BRINP3: variants seen among roughly 807,000 people sequenced by gnomAD.
BRINP3 encodes the protein BMP/retinoic acid-inducible neural-specific protein 3.
A neutral mutation model predicts 71.0 loss-of-function variants in BRINP3; 19 were observed. The ratio of observed to expected loss-of-function variants is 0.27; its 90% CI spans 0.19 to 0.39. BRINP3 has a LOEUF of 0.39. Among genes scored for constraint, BRINP3 ranks in the 10% least tolerant of loss-of-function variants. The pLI, the probability that BRINP3 is intolerant of heterozygous loss-of-function variation, is 1.00. For synonymous variants in BRINP3, 380 were observed against 337.7 expected (o/e 1.13, Z -1.37); for missense variants, 959 against 940.8 (o/e 1.02, Z -0.25).
intron 2 of BRINP3, among the ~76,000 whole-genome samples, chr1:190,444,609 G>T (rs772749930): frequency 1.3e-5 from 2 of 151,520 alleles, no homozygotes; most frequent in Non-Finnish European, 1.5e-5. Context: ...AACTCAGCTC[G>T]CTGAAACCTC....
At chr1:190,253,428 C>T (rs967865734) in intron 4 of BRINP3, among the ~76,000 whole-genome samples, 9 of 152,162 alleles carry the variant, frequency 5.9e-5, no homozygotes, top group Admixed American at 5.9e-4. Context: ...ACATCCTCTC[C>T]AGCATCTGTT....
At chr1:190,430,250 G>A (rs1335759871) in intron 2 of BRINP3, among the ~76,000 whole-genome samples, 2 of 152,150 alleles carry the variant, frequency 1.3e-5, no homozygotes, top group African/African-American at 2.4e-5. Context: ...CACTTTGCCA[G>A]CAGTCAAATT....
chr1:190,442,972 G>T (rs1674934051), intron 2 of BRINP3, among the ~76,000 whole-genome samples: 1 of 149,274 alleles, frequency 6.7e-6, no homozygotes, highest in Non-Finnish European at 1.5e-5. Context: ...GAGTGCAATG[G>T]CACAATCTCG....
At chr1:190,330,631 T>C (rs1296757824) in intron 2 of BRINP3, among the ~76,000 whole-genome samples, 1 of 151,998 alleles carries the variant, frequency 6.6e-6, no homozygotes, top group Non-Finnish European at 1.5e-5. Context: ...CATTACTGGG[T>C]ATATATCCAA....
intron 7 of BRINP3, among the ~76,000 whole-genome samples, chr1:190,148,596 AAAATAAATAAATAAATAAAT>A (rs71123073): frequency 0.015 from 2,067 of 134,926 alleles, 41 homozygotes; most frequent in African/African-American, 0.052. Context: ...ACTCTGTCAC[AAAATAAATAAATAAATAAAT>A]AAATAAATAA....
At chr1:190,197,471 C>T (rs984937452) in intron 6 of BRINP3, among the ~76,000 whole-genome samples, 5 of 152,192 alleles carry the variant, frequency 3.3e-5, no homozygotes, top group African/African-American at 4.8e-5. Context: ...AAATCAAAAG[C>T]AAGTTAGTTA....
At chr1:190,281,105 C>G (rs1558141736) in intron 3 of BRINP3, among the ~76,000 whole-genome samples, 2 of 151,834 alleles carry the variant, frequency 1.3e-5, no homozygotes, top group Admixed American at 1.3e-4. Context: ...TTGTTTATCA[C>G]TTTTTCCGTA....
chr1:190,408,836 T>G (rs909292098), intron 2 of BRINP3, among the ~76,000 whole-genome samples: 2 of 152,174 alleles, frequency 1.3e-5, no homozygotes, highest in African/African-American at 4.8e-5. Context: ...CCATCTTAGT[T>G]GGAATGGTAC....
At chr1:190,138,580 G>C (rs769699542) in intron 7 of BRINP3, among the ~76,000 whole-genome samples, 1 of 152,110 alleles carries the variant, frequency 6.6e-6, no homozygotes, top group Admixed American at 6.6e-5. Flanking sequence ...TTGAGCCTTG[G>C]TATAGGTGGC....
chr1:190,127,224 A>G (rs1654157176), intron 7 of BRINP3, among the ~76,000 whole-genome samples: 1 of 151,784 alleles, frequency 6.6e-6, no homozygotes, highest in Non-Finnish European at 1.5e-5. Context: ...ACATTTGAAC[A>G]GCTATTCCAA....
At chr1:190,199,150 T>C (rs1267495487) in intron 6 of BRINP3, among the ~76,000 whole-genome samples, 4 of 152,178 alleles carry the variant, frequency 2.6e-5, no homozygotes, top group Non-Finnish European at 5.9e-5. Context: ...GACTTATTCA[T>C]GATCATGAGA....
At chr1:190,289,395 T>C (rs987590342) in intron 2 of BRINP3, among the ~76,000 whole-genome samples, 3 of 151,984 alleles carry the variant, frequency 2.0e-5, no homozygotes, top group African/African-American at 7.2e-5. Context: ...ACAAATAATT[T>C]ATTTCAACAT....
intron 2 of BRINP3, among the ~76,000 whole-genome samples, chr1:190,292,359 T>C (rs539000952): frequency 6.6e-6 from 1 of 151,646 alleles, no homozygotes; most frequent in Non-Finnish European, 1.5e-5. Flanking sequence ...AAATATAAAA[T>C]AAAAAAAATG....
chr1:190,351,587 C>T (rs941699775), intron 2 of BRINP3, among the ~76,000 whole-genome samples: 4 of 151,992 alleles, frequency 2.6e-5, no homozygotes, highest in Non-Finnish European at 4.4e-5. Flanking sequence ...AAGAAAAATA[C>T]GCTTTTTGAC....
chr1:190,368,485 C>A (rs181549435), intron 2 of BRINP3, among the ~76,000 whole-genome samples: 289 of 130,528 alleles, frequency 2.2e-3, no homozygotes, highest in African/African-American at 7.0e-3. Flanking sequence ...TATACAAAGG[C>A]TAGGATGTAA....
intron 6 of BRINP3, among the ~76,000 whole-genome samples, chr1:190,175,413 G>T (rs951902457): frequency 4.6e-5 from 7 of 151,960 alleles, no homozygotes; most frequent in African/African-American, 1.7e-4. Context: ...GAACGAAAAT[G>T]AAAATACAGT....
intron 1 of BRINP3, chr1:190,475,746 G>A (rs1677454720): frequency 6.6e-6 from 1 of 152,200 alleles, no homozygotes. Context: ...TCACACGCTT[G>A]AGCTTCAGGT....
intron 2 of BRINP3, among the ~76,000 whole-genome samples, chr1:190,333,109 C>T (rs755441699): frequency 6.6e-6 from 1 of 151,830 alleles, no homozygotes; most frequent in Non-Finnish European, 1.5e-5. Flanking sequence ...ATATACCTGA[C>T]CCAACACTAA....
rs760372828 is a variant in BRINP3, at chr1:190,234,360, T to A, written c.724+12A>T. On this transcript the variant is annotated intron_variant, in intron 5 of 7. Coordinates refer to ENST00000367462, the MANE Select transcript of BRINP3 (RefSeq NM_199051.3). ...AGGCTTGTAGAGAATTAATGAAATTTTACCAACATACCTTGCAACTGAATC... is the reference window on the plus strand; with the variant it reads ...AGGCTTGTAGAGAATTAATGAAATTATACCAACATACCTTGCAACTGAATC... 6.3e-7 allele frequency: 1 copy of A among 1,588,406 alleles called. No individual in the cohort carries two copies. The highest frequency in any genetic ancestry group is 8.6e-7 in the Non-Finnish European group (1 of 1,161,274).
Sources: allele counts gnomAD v4.1 joint callset (sites outside exome capture counted in the v4.1 genomes callset), GRCh38; gene constraint gnomAD v4.1.1; transcripts MANE v1.5; gene names NCBI Gene and HGNC (gene_info 2026-07-23, HGNC 2026-07-21).